The following PRKCA variants were observed in gnomAD, a reference collection of about 807,000 sequenced individuals.
PRKCA encodes protein kinase C alpha type.
Under a neutral mutation model 87.0 loss-of-function variants are expected in PRKCA, and 27 were observed. The ratio of observed to expected loss-of-function variants is 0.31; its 90% confidence interval spans 0.23 to 0.43. The LOEUF (loss-of-function observed/expected upper bound fraction) is 0.43. PRKCA is among the 20% of genes least tolerant of loss of function. The pLI, the probability that PRKCA is intolerant of heterozygous loss-of-function variation, is 1.00. For synonymous variants in PRKCA, 329 were observed against 311.1 expected, an observed-to-expected ratio of 1.06 and a Z score of -0.61; for missense variants, 518 against 852.3, an observed-to-expected ratio of 0.61 and a Z score of 4.88.
chr17:66,685,398 T>C (rs1972599470), intron 5 of PRKCA, among the ~76,000 whole-genome samples: 1 of 152,184 alleles, frequency 6.6e-6, no homozygotes, highest in Non-Finnish European at 1.5e-5. Context: ...GTTTTATTTG[T>C]GTGCTATCTG....
intron 5 of PRKCA, among the ~76,000 whole-genome samples, chr17:66,657,398 C>T (rs1971764415): frequency 6.6e-6 from 1 of 152,004 alleles, no homozygotes; most frequent in Non-Finnish European, 1.5e-5. Flanking sequence ...GGGAATGTGG[C>T]CTGAAGGAAG....
At chr17:66,508,735 C>G (rs908284101) in intron 3 of PRKCA, among the ~76,000 whole-genome samples, 7 of 152,206 alleles carry the variant, frequency 4.6e-5, no homozygotes, top group Non-Finnish European at 7.3e-5. Flanking sequence ...ATCTCCATAG[C>G]CACTGTCTTT....
intron 3 of PRKCA, among the ~76,000 whole-genome samples, chr17:66,541,543 G>A (rs1967987918): frequency 6.6e-6 from 1 of 152,226 alleles, no homozygotes; most frequent in Admixed American, 6.5e-5. Context: ...TCATCCAGAG[G>A]CAGCAGATGC....
At chr17:66,304,331 T>C (rs1182725606) in intron 1 of PRKCA, among the ~76,000 whole-genome samples, 1 of 152,208 alleles carries the variant, frequency 6.6e-6, no homozygotes, top group Non-Finnish European at 1.5e-5. Flanking sequence ...ACAAAAGTTT[T>C]GAAAGCTGGA....
chr17:66,740,112 C>T (rs6504453), intron 11 of PRKCA, among the ~76,000 whole-genome samples: 55,937 of 151,552 alleles, frequency 0.37, 10,615 homozygotes, highest in African/African-American at 0.45. Flanking sequence ...GACCCCATTT[C>T]AGGCTTGGGT....
In PRKCA at chr17:66,803,704, C is replaced by T. The variant is rs1975955374; in HGVS notation, c.1855-169C>T. ...CAGTTGGGTAACTCGTTGTTGTCTG[C>T]TGTGCCTGGCTTTTCAATCCAATAG... is the stretch of plus-strand genomic sequence containing the variant. On this transcript the variant is annotated intron_variant, in intron 16 of 16. Coordinates refer to ENST00000413366, the MANE Select transcript of PRKCA (RefSeq NM_002737.3). This position sits in a 1 kb window ranked among gnomAD's most constrained non-coding sequence, Gnocchi z 4.4. Among the ~76,000 whole-genome samples, 1 of 152,198 alleles carries T rather than the reference C, an allele frequency of 6.6e-6. No homozygotes were observed. The highest frequency in any genetic ancestry group is 2.4e-5 in the African/African-American group (1 of 41,454).
At chr17:66,657,248 A>G (rs967330572) in intron 5 of PRKCA, among the ~76,000 whole-genome samples, 1 of 152,198 alleles carries the variant, frequency 6.6e-6, no homozygotes, top group Non-Finnish European at 1.5e-5. Flanking sequence ...TTTTTAATTA[A>G]TGCAAGGTTT....
At chr17:66,771,705 C>G (rs901960264) in intron 13 of PRKCA, among the ~76,000 whole-genome samples, 1 of 152,132 alleles carries the variant, frequency 6.6e-6, no homozygotes, top group Non-Finnish European at 1.5e-5. Context: ...AAGCGATTCT[C>G]CTACCTCAGC....
At chr17:66,509,768 T>G (rs1195788278) in intron 3 of PRKCA, among the ~76,000 whole-genome samples, 1 of 152,214 alleles carries the variant, frequency 6.6e-6, no homozygotes, top group African/African-American at 2.4e-5. Flanking sequence ...GGGCCGTTAG[T>G]GTAACCATTT....
chr17:66,476,460 T>A (rs762940883), intron 2 of PRKCA, among the ~76,000 whole-genome samples: 5 of 152,076 alleles, frequency 3.3e-5, no homozygotes, highest in Non-Finnish European at 7.4e-5. Context: ...CCCGAGAGAA[T>A]GCCAGCCAAG....
intron 3 of PRKCA, among the ~76,000 whole-genome samples, chr17:66,565,826 C>T (rs1968873317): frequency 6.6e-6 from 1 of 151,976 alleles, no homozygotes. Context: ...AAGGCCTTGC[C>T]TGTAGCCCAT....
chr17:66,346,821 G>A (rs903614166), intron 2 of PRKCA, among the ~76,000 whole-genome samples: 3 of 152,016 alleles, frequency 2.0e-5, no homozygotes, highest in African/African-American at 7.2e-5. Flanking sequence ...TTGAGGTCAG[G>A]AGTTCGAGAC....
intron 2 of PRKCA, among the ~76,000 whole-genome samples, chr17:66,323,308 T>G (rs1299096033): frequency 1.3e-5 from 2 of 152,180 alleles, no homozygotes; most frequent in Non-Finnish European, 2.9e-5. Context: ...CAGACTCAGG[T>G]TGATCTGGGT....
chr17:66,356,593 CA>C (rs1908072004), intron 2 of PRKCA, among the ~76,000 whole-genome samples: 1 of 152,076 alleles, frequency 6.6e-6, no homozygotes, highest in Admixed American at 6.6e-5. Flanking sequence ...CACTGCACTC[CA>C]ACCTGGGTGA....
intron 2 of PRKCA, among the ~76,000 whole-genome samples, chr17:66,435,259 C>T (rs1170885666): frequency 6.6e-6 from 1 of 152,218 alleles, no homozygotes. Context: ...GATTCTCCCC[C>T]ACTTAAGTTG....
At chr17:66,588,588 A>G (rs1291993478) in intron 3 of PRKCA, among the ~76,000 whole-genome samples, 2 of 144,654 alleles carry the variant, frequency 1.4e-5, no homozygotes, top group African/African-American at 5.2e-5. Flanking sequence ...TGCAGTTATC[A>G]TTACATGAGC....
chr17:66,435,249 G>A (rs1180250528), intron 2 of PRKCA, among the ~76,000 whole-genome samples: 1 of 152,186 alleles, frequency 6.6e-6, no homozygotes, highest in Admixed American at 6.5e-5. Context: ...ATGCCTTCCT[G>A]ATTCTCCCCC....
At chr17:66,723,657 C>T (rs9911056) in intron 8 of PRKCA, among the ~76,000 whole-genome samples, 2,882 of 150,782 alleles carry the variant, frequency 0.019, 94 homozygotes, top group African/African-American at 0.066. Flanking sequence ...AGGAAGATGA[C>T]GACCAGGGTG....
At chr17:66,374,047 G>T (rs951689951) in intron 2 of PRKCA, among the ~76,000 whole-genome samples, 22 of 152,164 alleles carry the variant, frequency 1.4e-4, no homozygotes, top group African/African-American at 5.1e-4. Flanking sequence ...TCATGTTGGG[G>T]GCGGCAGTGC....
Sources: gnomAD v4.1 joint callset for allele counts (sites outside exome capture counted in the v4.1 genomes callset) on GRCh38, gnomAD v4.1.1 for gene constraint, Gnocchi (gnomAD v3.1) non-coding constraint, MANE v1.5 for transcripts, NCBI Gene and HGNC (gene_info 2026-07-23, HGNC 2026-07-21) for gene names.